PSME4: variants seen among roughly 807,000 people sequenced by gnomAD.
The protein encoded by PSME4 is proteasome activator complex subunit 4.
In PSME4, 89 loss-of-function variants were observed where a neutral mutation model predicts 253.9. The observed-to-expected ratio is 0.35, with a 90% CI of 0.30 to 0.42. The LOEUF (loss-of-function observed/expected upper bound fraction) is 0.42. Among genes scored for constraint, PSME4 ranks in the 10% least tolerant of loss-of-function variants. The probability of loss-of-function intolerance (pLI) is 1.00; values close to 1 mark genes in which losing one functional copy is unlikely to be tolerated. For synonymous variants in PSME4, 851 were observed against 759.2 expected (o/e 1.12, Z -1.99); for missense variants, 2,014 against 2,195.2 (o/e 0.92, Z 1.65).
At chr2:53,910,251 G>A (rs957089149) in intron 20 of PSME4, 121 bp from the exon 21 acceptor site, 23 of 766,074 alleles carry the variant, frequency 3.0e-5, no homozygotes, top group Middle Eastern at 3.2e-4. Flanking sequence ...AACAGACACA[G>A]ATTTCCCATC....
chr2:53,941,437 A>G (rs992642907), intron 3 of PSME4, among the ~76,000 whole-genome samples: 7 of 151,516 alleles, frequency 4.6e-5, no homozygotes, highest in African/African-American at 1.5e-4. Context: ...TTGCCCATTA[A>G]AAAAAAACAG....
chr2:53,965,915 A>C (rs1167967568), intron 1 of PSME4, among the ~76,000 whole-genome samples: 2 of 151,646 alleles, frequency 1.3e-5, no homozygotes, highest in Non-Finnish European at 2.9e-5. Context: ...CTTGTGATCC[A>C]CCTGCTTCAG....
intron 20 of PSME4, 40 bp downstream of exon 20, chr2:53,919,111 T>C (rs761751893): frequency 1.3e-6 from 2 of 1,568,220 alleles, no homozygotes. Flanking sequence ...GACTAAGACT[T>C]AAAATATATG....
At chr2:53,928,498 T>C (rs910703019) in intron 10 of PSME4, among the ~76,000 whole-genome samples, 195 bp from the exon 11 acceptor site, 6 of 142,300 alleles carry the variant, frequency 4.2e-5, no homozygotes, top group Non-Finnish European at 9.1e-5. Flanking sequence ...TAGTTTCAGT[T>C]AACAAAGGTT....
At chr2:53,921,396 G>A (rs749902630) in intron 17 of PSME4, among the ~76,000 whole-genome samples, 2 of 151,398 alleles carry the variant, frequency 1.3e-5, no homozygotes, top group Non-Finnish European at 2.9e-5. Flanking sequence ...ACAGGTACAC[G>A]CCACCATGCC....
intron 32 of PSME4, 113 bp downstream of exon 32, chr2:53,896,691 G>A (rs1294104001): frequency 9.5e-6 from 7 of 735,804 alleles, no homozygotes; most frequent in South Asian, 9.1e-5. Flanking sequence ...TTTATATTTT[G>A]TGTTAATATC....
intron 41 of PSME4, among the ~76,000 whole-genome samples, chr2:53,876,434 C>T (rs1005025219): frequency 1.1e-4 from 17 of 152,064 alleles, no homozygotes; most frequent in Admixed American, 2.6e-4. Context: ...AAAGGTCTGA[C>T]TTTATTGAAG....
In PSME4 at chr2:53,959,915, T is replaced by C. The variant is rs1353036624; in HGVS notation, c.242+10628A>G. Among the ~76,000 whole-genome samples the C allele has an allele frequency of 2.0e-5, 3 of 152,328 alleles. No homozygotes were observed. In the East Asian group the frequency reaches 5.8e-4, roughly 29 times the overall value. ...AGTCAGATATGACATTCCAAGTACC[T>C]GGAAGACGAAACATGTAAAAGTGAA... On this transcript the variant is annotated intron_variant, in intron 1 of 46. Transcript: ENST00000404125.
At chr2:53,942,526 C>T (rs1225654685) in intron 3 of PSME4, among the ~76,000 whole-genome samples, 3 of 151,948 alleles carry the variant, frequency 2.0e-5, no homozygotes, top group African/African-American at 7.2e-5. Flanking sequence ...TCAGACAGAT[C>T]TTAATTTGAG....
intron 1 of PSME4, among the ~76,000 whole-genome samples, chr2:53,952,431 A>G (rs1670042774): frequency 6.6e-6 from 1 of 152,092 alleles, no homozygotes; most frequent in South Asian, 2.1e-4. Context: ...AATCCCAGCT[A>G]CTCGGGAGGC....
At chr2:53,915,712 CA>C (rs905004661) in intron 20 of PSME4, among the ~76,000 whole-genome samples, 1 of 149,688 alleles carries the variant, frequency 6.7e-6, no homozygotes, top group Non-Finnish European at 1.5e-5. Context: ...AGTAATCTGA[CA>C]AAAAAAAATT....
intron 1 of PSME4, 123 bp downstream of exon 1, chr2:53,970,420 T>C (rs2104498480): frequency 6.8e-7 from 1 of 1,478,464 alleles, no homozygotes; most frequent in Non-Finnish European, 9.0e-7. Flanking sequence ...GGATCACCGC[T>C]CGGGGACAGC....
rs190888358 is a variant in PSME4 at position 53,940,770 on chromosome 2, T to A, written c.501-770A>T. 1.2e-4 allele frequency among the ~76,000 whole-genome samples: 18 copies of A among 149,760 alleles called. No homozygotes were observed. In the South Asian group the frequency reaches 1.5e-3, roughly 12 times the overall value. On this transcript the variant is annotated intron_variant, in intron 3 of 46. Transcript: ENST00000404125. Reference sequence around the variant, plus strand: ...AATGGAGCACTAGATAATTTTGAGCTGGAATTTTAAAATACGTGTGTGACT... The same window carrying A: ...AATGGAGCACTAGATAATTTTGAGCAGGAATTTTAAAATACGTGTGTGACT...
rs1436476250 is a variant in PSME4 at position 53,864,080 on chromosome 2, C to A, written c.*1498G>T. The A allele has an allele frequency of 1.3e-5, 2 of 152,152 alleles. No individual in the cohort carries two copies. Among genetic ancestry groups the A allele is most frequent in the Non-Finnish European group, 2.9e-5 (2 of 68,028 alleles). The allele number at this position is 152,152 out of a possible 1,614,324, so 9.4% of individuals were successfully genotyped here. A position where few individuals can be genotyped will look rare whatever the true frequency, so the allele number is the denominator to read the frequency against. ...ACAAAAGCCAGGTGTTAAAAAGAAT[C>A]CATTTATTGGGTTTTAAACTAGTTA... On this transcript the variant is annotated 3_prime_UTR_variant, in exon 47 of 47. Transcript: ENST00000404125.
chr2:53,957,292 C>T (rs1327146643), intron 1 of PSME4, among the ~76,000 whole-genome samples: 1 of 152,130 alleles, frequency 6.6e-6, no homozygotes, highest in African/African-American at 2.4e-5. Flanking sequence ...ATTTATTGTG[C>T]ACTTTATTTC....
At chr2:53,946,820 G>A (rs1052179308) in intron 3 of PSME4, among the ~76,000 whole-genome samples, 5 of 151,940 alleles carry the variant, frequency 3.3e-5, no homozygotes, top group Non-Finnish European at 5.9e-5. Flanking sequence ...AGGCTGAGGC[G>A]GGAAGACTGC....
intron 39 of PSME4, 105 bp downstream of exon 39, chr2:53,887,753 T>C (rs1679707536): frequency 3.0e-6 from 4 of 1,332,094 alleles, no homozygotes; most frequent in African/African-American, 1.5e-5. Context: ...AAAGACACCA[T>C]GAAACCCACT....
At position 53,887,153 on chromosome 2, in the gene PSME4, T is replaced by A. The variant is rs969026187; in HGVS notation, c.4729+106A>T. The A allele has an allele frequency of 1.4e-5, 14 of 1,030,336 alleles. No homozygotes were observed. The African/African-American group carries it at 2.3e-4, about 17-fold the overall frequency. 63.8% of individuals were successfully genotyped at this position (1,030,336 alleles called of 1,614,324 possible). A position where few individuals can be genotyped will look rare whatever the true frequency, so the allele number is the denominator to read the frequency against. On this transcript the variant is annotated intron_variant, in intron 40 of 46. Coordinates refer to ENST00000404125, the MANE Select transcript of PSME4 (RefSeq NM_014614.3). Reference sequence around the variant, plus strand: ...TTAAAAATGGTTAAAACAGTAAATTTTTCATTATGTCTATTTTACCACAAT... The same window carrying A: ...TTAAAAATGGTTAAAACAGTAAATTATTCATTATGTCTATTTTACCACAAT...
chr2:53,906,882 T>G lies in PSME4; in HGVS notation c.2785-14A>C. On this transcript the variant is annotated splice_polypyrimidine_tract_variant and intron_variant, in intron 24 of 46. Coordinates refer to ENST00000404125, the MANE Select transcript of PSME4 (RefSeq NM_014614.3). ...TTTCCCATGGAGCTGGAAAACAAAG[T>G]AGCAACAAATACTTCAACATTTTCC... is the stretch of plus-strand genomic sequence containing the variant. 1 of 1,609,896 alleles carries G rather than the reference T, an allele frequency of 6.2e-7. No individual in the cohort carries two copies. Among genetic ancestry groups the G allele is most frequent in the South Asian group, 1.1e-5 (1 of 90,848 alleles).
Sources: gnomAD v4.1 joint callset for allele counts (sites outside exome capture counted in the v4.1 genomes callset) on GRCh38, gnomAD v4.1.1 for gene constraint, MANE v1.5 for transcripts, NCBI Gene and HGNC (gene_info 2026-07-23, HGNC 2026-07-21) for gene names.